The following CCSER1 variants were observed in gnomAD, a reference collection of about 807,000 sequenced individuals.
CCSER1 encodes serine-rich coiled-coil domain-containing protein 1.
In CCSER1, 41 loss-of-function variants were observed where a neutral mutation model predicts 82.0. The ratio of observed to expected loss-of-function variants is 0.50; its 90% CI spans 0.39 to 0.65. The LOEUF (loss-of-function observed/expected upper bound fraction) is 0.65, where lower values mean the gene tolerates loss of function less well. Among genes scored for constraint, CCSER1 ranks in the 30% least tolerant of loss-of-function variants. CCSER1 has a pLI of 0.00. For synonymous variants in CCSER1, 414 were observed against 383.9 expected (o/e 1.08, Z -0.92); for missense variants, 1,119 against 1,064.2 (o/e 1.05, Z -0.72).
intron 1 of CCSER1, among the ~76,000 whole-genome samples, chr4:90,136,286 G>A (rs1236159550): frequency 1.3e-5 from 2 of 152,204 alleles, no homozygotes; most frequent in East Asian, 1.9e-4. Context: ...CTAGGAGTTC[G>A]AGGCTGCAGT....
At chr4:90,814,902 A>G (rs1017393504) in intron 7 of CCSER1, among the ~76,000 whole-genome samples, 1 of 152,034 alleles carries the variant, frequency 6.6e-6, no homozygotes, top group Non-Finnish European at 1.5e-5. Flanking sequence ...GAGCCCTCCA[A>G]ACTGTTCCAA....
chr4:90,969,698 C>T (rs1390763488), intron 9 of CCSER1, among the ~76,000 whole-genome samples: 2 of 151,848 alleles, frequency 1.3e-5, no homozygotes, highest in Non-Finnish European at 2.9e-5. Flanking sequence ...CAAGATGAAG[C>T]AAAATATGCT....
At chr4:90,899,025 T>A (rs1036074201) in intron 8 of CCSER1, among the ~76,000 whole-genome samples, 2 of 152,064 alleles carry the variant, frequency 1.3e-5, no homozygotes, top group African/African-American at 2.4e-5. Context: ...ATCTGTAGAT[T>A]TTTTTGGGAT....
intron 8 of CCSER1, among the ~76,000 whole-genome samples, chr4:90,899,916 G>T (rs1724342965): frequency 1.3e-5 from 2 of 151,764 alleles, no homozygotes; most frequent in Non-Finnish European, 2.9e-5. Context: ...TTCTTTTTCT[G>T]TTGTGTCCTT....
chr4:90,919,756 C>A (rs1310338771), intron 8 of CCSER1, among the ~76,000 whole-genome samples: 1 of 151,794 alleles, frequency 6.6e-6, no homozygotes, highest in Non-Finnish European at 1.5e-5. Context: ...TTATATAACT[C>A]AAAACCTCCA....
chr4:90,360,239 AC>A (rs1745126066), intron 3 of CCSER1, among the ~76,000 whole-genome samples: 1 of 146,894 alleles, frequency 6.8e-6, no homozygotes, highest in Non-Finnish European at 1.5e-5. Flanking sequence ...TAATAAAAAA[AC>A]ATCCACGGCC....
chr4:91,116,648 G>A (rs1411021915), intron 10 of CCSER1, among the ~76,000 whole-genome samples: 2 of 152,166 alleles, frequency 1.3e-5, no homozygotes, highest in Non-Finnish European at 2.9e-5. Context: ...GGTGGTTGTT[G>A]TTGCTGCTGG....
intron 10 of CCSER1, among the ~76,000 whole-genome samples, chr4:91,403,806 AT>A (rs1343217491): frequency 2.6e-5 from 4 of 152,128 alleles, no homozygotes; most frequent in African/African-American, 9.7e-5. Context: ...CCAGTATTTT[AT>A]TGAGGATTTT....
At chr4:91,516,114 A>T (rs1050736326) in intron 10 of CCSER1, among the ~76,000 whole-genome samples, 4 of 151,930 alleles carry the variant, frequency 2.6e-5, no homozygotes, top group African/African-American at 9.7e-5. Context: ...TATTATATGT[A>T]GTTAGAAGCA....
chr4:90,331,228 A>G (rs1739223409), intron 3 of CCSER1, among the ~76,000 whole-genome samples: 1 of 152,048 alleles, frequency 6.6e-6, no homozygotes, highest in African/African-American at 2.4e-5. Context: ...ATGAGTGCAT[A>G]ATAAAGTAAC....
At chr4:91,581,237 C>A (rs1362366380) in intron 10 of CCSER1, among the ~76,000 whole-genome samples, 1 of 151,668 alleles carries the variant, frequency 6.6e-6, no homozygotes, top group Non-Finnish European at 1.5e-5. Context: ...AAGTCTATTT[C>A]TTCACCAGCG....
intron 3 of CCSER1, among the ~76,000 whole-genome samples, chr4:90,361,656 C>T (rs1745403837): frequency 6.6e-6 from 1 of 152,222 alleles, no homozygotes. Context: ...CCCTCCTTTG[C>T]CTCTCGTCTA....
chr4:91,255,304 C>T (rs1320298031), intron 10 of CCSER1, among the ~76,000 whole-genome samples: 1 of 151,990 alleles, frequency 6.6e-6, no homozygotes, highest in Non-Finnish European at 1.5e-5. Context: ...CTCTTATAAC[C>T]ATAGAGTGTA....
Position 91,437,735 on chromosome 4 carries a change from G to A in CCSER1, c.2218-160837G>A, listed in dbSNP as rs564455836. Among the ~76,000 whole-genome samples the A allele has an allele frequency of 4.0e-3, 605 of 152,332 alleles. 6 individuals are homozygous for A. Among genetic ancestry groups the A allele is most frequent in the African/African-American group, 0.014 (570 of 41,584 alleles). On this transcript the variant is annotated intron_variant, in intron 10 of 10. Transcript: ENST00000509176. ...GAGTTCCCTTCCCTAGTCAAAGAAA[G>A]GGGTGACAGATGGCACCTGGAAAAT... is the stretch of plus-strand genomic sequence containing the variant.
intron 8 of CCSER1, among the ~76,000 whole-genome samples, chr4:90,861,165 A>G (rs1765042947): frequency 6.6e-6 from 1 of 151,708 alleles, no homozygotes; most frequent in Non-Finnish European, 1.5e-5. Flanking sequence ...TTTATGTTGG[A>G]TTTTTCAAAA....
intron 1 of CCSER1, among the ~76,000 whole-genome samples, chr4:90,242,962 G>C (rs1213809622): frequency 6.6e-6 from 1 of 151,890 alleles, no homozygotes; most frequent in Non-Finnish European, 1.5e-5. Flanking sequence ...AAACTGCTTG[G>C]TTCTTGATGT....
In CCSER1 at chr4:90,924,813, G is replaced by A. The variant is rs202084222; in HGVS notation, c.2172+1366G>A. ...GCGATCTCGGCTCACTGCAACCTCC[G>A]CCTCCTGGGTTCAAGTGATTCTCCT... On this transcript the variant is annotated intron_variant, in intron 9 of 10. Transcript: ENST00000509176. Among the ~76,000 whole-genome samples the A allele has an allele frequency of 3.1e-4, 47 of 152,068 alleles. No homozygotes were observed. In the East Asian group the frequency reaches 7.4e-3, roughly 24 times the overall value.
At chr4:90,745,452 G>C (rs771798923) in intron 7 of CCSER1, among the ~76,000 whole-genome samples, 1 of 152,060 alleles carries the variant, frequency 6.6e-6, no homozygotes, top group Non-Finnish European at 1.5e-5. Flanking sequence ...GATATCTGTC[G>C]AATGGGGCGG....
chr4:91,474,522 A>T (rs1000976769), intron 10 of CCSER1, among the ~76,000 whole-genome samples: 1 of 151,454 alleles, frequency 6.6e-6, no homozygotes. Context: ...TAATGATTAC[A>T]TCAATTTTTT....
Sources: gnomAD v4.1 joint callset for allele counts (sites outside exome capture counted in the v4.1 genomes callset) on GRCh38, gnomAD v4.1.1 for gene constraint, MANE v1.5 for transcripts, NCBI Gene and HGNC (gene_info 2026-07-23, HGNC 2026-07-21) for gene names.